The following MXI1 variants were observed in gnomAD, a reference collection of about 807,000 sequenced individuals.
The protein encoded by MXI1 is MAX interactor 1, dimerization protein.
In MXI1, 18 loss-of-function variants were observed where a neutral mutation model predicts 36.9. The observed-to-expected ratio is 0.49, with a 90% CI of 0.34 to 0.72. The LOEUF is 0.72. MXI1 is among the 30% of genes least tolerant of loss of function. The pLI is 0.01. For missense variants in MXI1, 304 were observed against 379.1 expected, an observed-to-expected ratio of 0.80 and a Z score of 1.64; for synonymous variants, 160 against 146.7, an observed-to-expected ratio of 1.09 and a Z score of -0.65.
rs11195065 is a variant in MXI1 at position 110,282,228 on chromosome 10, T to A, written c.724+2143T>A. 4.9e-3 allele frequency among the ~76,000 whole-genome samples: 752 copies of A among 152,354 alleles called. 20 individuals carry two copies. The East Asian group carries it at 0.06, about 12-fold the overall frequency. On this transcript the variant is annotated intron_variant, in intron 5 of 5. Coordinates refer to ENST00000332674, the MANE Select transcript of MXI1 (RefSeq NM_130439.3). ...TTTTGCTGTACTGAATGTGTTCCAATCCATTGCAGTCATCCTTTTAAATTC... is the reference window on the plus strand; with the variant it reads ...TTTTGCTGTACTGAATGTGTTCCAAACCATTGCAGTCATCCTTTTAAATTC...
Position 110,224,635 on chromosome 10 carries a change from CTTTTTTTT to C in MXI1, c.275-3542_275-3535del, listed in dbSNP as rs34948360. ...GTGGCCATGAATGAGCAGTCAGTGG[CTTTTTTTT>C]TTTTTTTTTTTCTTTGAGACTGAGT... On this transcript the variant is annotated intron_variant, in intron 1 of 5. Coordinates refer to ENST00000332674, the MANE Select transcript of MXI1 (RefSeq NM_130439.3). Among the ~76,000 whole-genome samples the C allele has an allele frequency of 6.3e-5, 8 of 126,414 alleles. No homozygotes were observed. In the South Asian group the frequency reaches 2.0e-3, roughly 32 times the overall value. The allele number at this position is 126,414 out of a possible 152,430, so 82.9% of individuals were successfully genotyped here.
intron 1 of MXI1, among the ~76,000 whole-genome samples, chr10:110,221,733 A>G (rs1396653433): frequency 6.6e-6 from 1 of 152,236 alleles, no homozygotes; most frequent in Non-Finnish European, 1.5e-5. Context: ...GTCTGATCTC[A>G]CCAGTAAAAC....
At chr10:110,263,438 A>G (rs1856583365) in intron 3 of MXI1, among the ~76,000 whole-genome samples, 1 of 152,218 alleles carries the variant, frequency 6.6e-6, no homozygotes, top group Non-Finnish European at 1.5e-5. Flanking sequence ...AAGTTGTACC[A>G]TGAGAAAATG....
intron 1 of MXI1, among the ~76,000 whole-genome samples, chr10:110,212,492 C>G (rs534586691): frequency 2.0e-5 from 3 of 152,202 alleles, no homozygotes. Context: ...CCTACCTTCT[C>G]TTCAAGACTT....
At chr10:110,237,005 A>T (rs143111277) in intron 2 of MXI1, among the ~76,000 whole-genome samples, 2 of 152,122 alleles carry the variant, frequency 1.3e-5, no homozygotes, top group African/African-American at 4.8e-5. Flanking sequence ...ACTTTATTAA[A>T]TTTTTCCTTA....
chr10:110,211,242 A>C (rs1474205857), intron 1 of MXI1, among the ~76,000 whole-genome samples: 3 of 152,024 alleles, frequency 2.0e-5, no homozygotes, highest in African/African-American at 7.2e-5. Context: ...TTCCACATGG[A>C]GACAAACTTC....
At chr10:110,260,393 T>A (rs1856465709) in intron 3 of MXI1, among the ~76,000 whole-genome samples, 1 of 151,394 alleles carries the variant, frequency 6.6e-6, no homozygotes, top group Non-Finnish European at 1.5e-5. Context: ...CTCTGCTGTT[T>A]CTGAAGCATT....
chr10:110,211,201 C>T (rs865814585), intron 1 of MXI1, among the ~76,000 whole-genome samples: 1 of 152,066 alleles, frequency 6.6e-6, no homozygotes, highest in African/African-American at 2.4e-5. Flanking sequence ...CCGCCTTCTC[C>T]TCCTCCCCCT....
At chr10:110,222,553 C>T (rs1350877694) in intron 1 of MXI1, among the ~76,000 whole-genome samples, 4 of 152,292 alleles carry the variant, frequency 2.6e-5, no homozygotes, top group Non-Finnish European at 2.9e-5. Context: ...TGTCCCCATC[C>T]GTGGCTGTGA....
intron 3 of MXI1, among the ~76,000 whole-genome samples, chr10:110,251,945 A>G (rs1856107672): frequency 6.6e-6 from 1 of 152,158 alleles, no homozygotes; most frequent in South Asian, 2.1e-4. Flanking sequence ...AATGCCAAGT[A>G]ATTTGGATTT....
chr10:110,257,242 A>C (rs1196726740), intron 3 of MXI1: 1 of 152,586 alleles, frequency 6.6e-6, no homozygotes, highest in African/African-American at 2.4e-5. Flanking sequence ...ACCATGGCAA[A>C]ATTGGAAGAC....
At chr10:110,257,303 T>G (rs1003073941) in intron 3 of MXI1, 3 of 150,044 alleles carry the variant, frequency 2.0e-5, no homozygotes, top group Non-Finnish European at 3.0e-5. Flanking sequence ...AGGGCAAGTT[T>G]TTTTTTTGGT....
intron 1 of MXI1, chr10:110,227,474 G>A (rs1340892301): frequency 2.0e-6 from 2 of 988,818 alleles, no homozygotes; most frequent in Non-Finnish European, 2.4e-6. Context: ...GGAAGTTGGA[G>A]AGAGGGCGGT....
chr10:110,226,149 G>A (rs1162966084), intron 1 of MXI1: 38 of 1,357,564 alleles, frequency 2.8e-5, no homozygotes, highest in Non-Finnish European at 3.2e-5. Context: ...AGCCGCCTGC[G>A]GCGCCTCCTG....
intron 1 of MXI1, 107 bp downstream of exon 1, chr10:110,208,189 C>T (rs1275909759): frequency 3.3e-6 from 4 of 1,196,006 alleles, no homozygotes; most frequent in Non-Finnish European, 4.6e-6. Flanking sequence ...GCCCAACATA[C>T]ACATCCAGCC....
Position 110,231,362 on chromosome 10 carries a change from A to ACC in MXI1, c.407+3051_407+3052dup, listed in dbSNP as rs201426609. Among the ~76,000 whole-genome samples, 471 of 127,418 alleles carry ACC rather than the reference A, an allele frequency of 3.7e-3. 7 individuals are homozygous for ACC. The highest frequency in any genetic ancestry group is 8.0e-3 in the East Asian group (34 of 4,224). 83.6% of individuals were successfully genotyped at this position (127,418 alleles called of 152,430 possible). A position where few individuals can be genotyped will look rare whatever the true frequency, so the allele number is the denominator to read the frequency against. ...AGCCTGGGCAACAGAGTGATAATCC[A>ACC]CCCCCCCCCCCTCAAAAAAGTAACT... On this transcript the variant is annotated intron_variant, in intron 2 of 5. Transcript: ENST00000332674.
chr10:110,273,913 T>C (rs1590402188), intron 3 of MXI1, among the ~76,000 whole-genome samples: 1 of 152,174 alleles, frequency 6.6e-6, no homozygotes, highest in Non-Finnish European at 1.5e-5. Context: ...TGGACAGGGG[T>C]ATTAGAGTTT....
chr10:110,212,730 T>A (rs1854541809), intron 1 of MXI1, among the ~76,000 whole-genome samples: 1 of 152,218 alleles, frequency 6.6e-6, no homozygotes, highest in Non-Finnish European at 1.5e-5. Context: ...ATGACCCTCA[T>A]ATCATTGTCA....
At position 110,273,574 on chromosome 10, in the gene MXI1, A is replaced by T. The variant is rs116184412; in HGVS notation, c.438-5606A>T. Among the ~76,000 whole-genome samples, 542 of 151,912 alleles carry T rather than the reference A, an allele frequency of 3.6e-3. 4 individuals are homozygous for T. The highest frequency in any genetic ancestry group is 0.012 in the African/African-American group (493 of 41,514). ...TTAAGTTTTAGAGACACTTTGGTAT[A>T]TATGTGTAGGAAAAGTAGCTAGCTG... On this transcript the variant is annotated intron_variant, in intron 3 of 5. Coordinates refer to ENST00000332674, the MANE Select transcript of MXI1 (RefSeq NM_130439.3).
Sources: allele counts gnomAD v4.1 joint callset (sites outside exome capture counted in the v4.1 genomes callset), GRCh38; gene constraint gnomAD v4.1.1; transcripts MANE v1.5; gene names NCBI Gene and HGNC (gene_info 2026-07-23, HGNC 2026-07-21).